Variants in MTX2 observed in about 807,000 individuals in gnomAD.
The protein encoded by MTX2 is metaxin-2.
A neutral mutation model predicts 42.3 loss-of-function variants in MTX2; 35 were observed. The observed-to-expected ratio is 0.83, with a 90% CI of 0.63 to 1.10. The LOEUF is 1.10. Ranked by LOEUF, MTX2 falls within the 50% of genes least tolerant of loss-of-function variation. MTX2 has a pLI of 0.00. For synonymous variants in MTX2, 119 were observed against 100.9 expected (o/e 1.18, Z -1.08); for missense variants, 307 against 304.1 (o/e 1.01, Z -0.07).
chr2:176,306,241 T>C (rs1684141465), intron 3 of MTX2, among the ~76,000 whole-genome samples: 1 of 152,234 alleles, frequency 6.6e-6, no homozygotes, highest in African/African-American at 2.4e-5. Flanking sequence ...GGACATGAAT[T>C]CATCCTTTTT....
intron 2 of MTX2, among the ~76,000 whole-genome samples, chr2:176,297,129 C>T (rs963836511): frequency 6.6e-6 from 1 of 152,164 alleles, no homozygotes; most frequent in Non-Finnish European, 1.5e-5. Context: ...ATTATATTGG[C>T]TGCTGTAGGC....
At chr2:176,334,808 TA>T (rs1270403956) in intron 9 of MTX2, among the ~76,000 whole-genome samples, 2 of 152,162 alleles carry the variant, frequency 1.3e-5, no homozygotes, top group African/African-American at 2.4e-5. Context: ...AATATAAAGA[TA>T]TATACAGCAT....
intron 3 of MTX2, among the ~76,000 whole-genome samples, chr2:176,322,024 G>C (rs780794852): frequency 6.6e-6 from 1 of 152,100 alleles, no homozygotes; most frequent in Non-Finnish European, 1.5e-5. Context: ...GCTTTTCTAA[G>C]AGATGCCATT....
intron 1 of MTX2, among the ~76,000 whole-genome samples, chr2:176,276,993 G>T (rs960364708): frequency 2.6e-5 from 4 of 151,910 alleles, no homozygotes; most frequent in African/African-American, 9.7e-5. Flanking sequence ...TGGGCATTTG[G>T]GTGCTTAATT....
intron 1 of MTX2, chr2:176,270,533 A>G: frequency 1.6e-6 from 1 of 620,762 alleles, no homozygotes. Context: ...TAATGGAATT[A>G]GTCATAACTC....
At chr2:176,313,388 C>CTTTTTTTTTTTTTTTTTTTTTTTTT (rs1207416607) in intron 3 of MTX2, among the ~76,000 whole-genome samples, 2 of 103,510 alleles carry the variant, frequency 1.9e-5, no homozygotes, top group African/African-American at 7.9e-5. Flanking sequence ...TACACTGATT[C>CTTTTTTTTTTTTTTTTTTTTTTTTT]TTTTTTTTTT....
intron 3 of MTX2, among the ~76,000 whole-genome samples, chr2:176,322,514 A>G (rs1338448452): frequency 2.0e-5 from 3 of 152,106 alleles, no homozygotes; most frequent in East Asian, 3.9e-4. Flanking sequence ...TAGAAATAAC[A>G]TAGTAAATTT....
intron 3 of MTX2, among the ~76,000 whole-genome samples, chr2:176,313,072 C>G (rs1039113531): frequency 1.3e-5 from 2 of 151,526 alleles, no homozygotes; most frequent in Non-Finnish European, 2.9e-5. Context: ...TAAATGAAGC[C>G]AGCTTTCTTT....
intron 1 of MTX2, among the ~76,000 whole-genome samples, chr2:176,284,062 G>A (rs1451553171): frequency 6.6e-6 from 1 of 151,454 alleles, no homozygotes; most frequent in Non-Finnish European, 1.5e-5. Context: ...TATGTAGTTG[G>A]CCTGCTTTTT....
At chr2:176,336,347 A>G (rs1414591544) in intron 9 of MTX2, among the ~76,000 whole-genome samples, 2 of 152,110 alleles carry the variant, frequency 1.3e-5, no homozygotes, top group African/African-American at 4.8e-5. Context: ...AGCCATCCTT[A>G]TGATTTTGTC....
chr2:176,292,673 C>G (rs1335218701), intron 1 of MTX2, among the ~76,000 whole-genome samples: 1 of 152,122 alleles, frequency 6.6e-6, no homozygotes, highest in Non-Finnish European at 1.5e-5. Flanking sequence ...ATTTGTAGAT[C>G]CATTGCCCAG....
chr2:176,317,879 G>T (rs1436525414), intron 3 of MTX2, among the ~76,000 whole-genome samples: 1 of 152,104 alleles, frequency 6.6e-6, no homozygotes, highest in Non-Finnish European at 1.5e-5. Context: ...TGCTTATGTA[G>T]ACTTTCATCC....
intron 3 of MTX2, among the ~76,000 whole-genome samples, chr2:176,322,774 A>G (rs1275553214): frequency 2.0e-5 from 3 of 151,968 alleles, no homozygotes; most frequent in Non-Finnish European, 4.4e-5. Context: ...AGCATTCCAT[A>G]GTTTGGATTT....
intron 3 of MTX2, among the ~76,000 whole-genome samples, chr2:176,306,321 T>C (rs1684143543): frequency 6.6e-6 from 1 of 152,232 alleles, no homozygotes; most frequent in African/African-American, 2.4e-5. Context: ...CTGATGGACA[T>C]TTGGGTTGGT....
At chr2:176,284,195 T>G (rs936233113) in intron 1 of MTX2, among the ~76,000 whole-genome samples, 1 of 152,096 alleles carries the variant, frequency 6.6e-6, no homozygotes, top group Non-Finnish European at 1.5e-5. Flanking sequence ...TCCTTCTGCT[T>G]CAGCCTCCCA....
intron 3 of MTX2, among the ~76,000 whole-genome samples, chr2:176,306,654 T>C (rs1175771133): frequency 6.6e-6 from 1 of 152,266 alleles, no homozygotes; most frequent in Non-Finnish European, 1.5e-5. Flanking sequence ...ATTTCTTTGA[T>C]GACCAGTGAT....
At chr2:176,277,813 G>A (rs780791415) in intron 1 of MTX2, among the ~76,000 whole-genome samples, 5 of 151,704 alleles carry the variant, frequency 3.3e-5, no homozygotes, top group Admixed American at 1.3e-4. Context: ...TTATTGGACC[G>A]ACCGTCACGT....
At chr2:176,308,278 A>G (rs1043352699) in intron 3 of MTX2, among the ~76,000 whole-genome samples, 2 of 152,070 alleles carry the variant, frequency 1.3e-5, no homozygotes, top group South Asian at 2.1e-4. Flanking sequence ...AAGGTTTTTG[A>G]TGTGCTGTTG....
intron 3 of MTX2, among the ~76,000 whole-genome samples, chr2:176,302,896 G>A (rs927065648): frequency 1.3e-4 from 20 of 152,156 alleles, no homozygotes; most frequent in Non-Finnish European, 2.9e-4. Flanking sequence ...ATATCCAAAT[G>A]TAGTGTTTGG....
Sources: allele counts gnomAD v4.1 joint callset (sites outside exome capture counted in the v4.1 genomes callset), GRCh38; gene constraint gnomAD v4.1.1; transcripts MANE v1.5; gene names NCBI Gene and HGNC (gene_info 2026-07-23, HGNC 2026-07-21).